The following ADAM32 variants were observed in gnomAD, a reference collection of about 807,000 sequenced individuals.
ADAM32 encodes ADAM metallopeptidase domain 32.
In ADAM32, 89 loss-of-function variants were observed where a neutral mutation model predicts 114.9. That is an observed-to-expected ratio of 0.77 (90% CI 0.65 to 0.92). The LOEUF (loss-of-function observed/expected upper bound fraction) is 0.92, where lower values mean the gene tolerates loss of function less well. Among genes scored for constraint, ADAM32 ranks in the 40% least tolerant of loss-of-function variants. ADAM32 has a pLI of 0.00. For missense variants in ADAM32, 870 were observed against 932.8 expected (o/e 0.93, Z 0.88); for synonymous variants, 285 against 307.5 (o/e 0.93, Z 0.77).
chr8:39,283,469 T>C, intron 23 of ADAM32, 117 bp from the exon 24 acceptor site: 3 of 795,510 alleles, frequency 3.8e-6, no homozygotes, highest in Non-Finnish European at 5.5e-6. Flanking sequence ...CAAATATTTC[T>C]TTTTTAGTAC....
At chr8:39,111,570 T>TA (rs951832014) in intron 1 of ADAM32, among the ~76,000 whole-genome samples, 29 of 151,170 alleles carry the variant, frequency 1.9e-4, no homozygotes, top group East Asian at 1.2e-3. Context: ...CCATCTCTAC[T>TA]AAAAAAAATA....
At chr8:39,282,894 G>T (rs900038021) in intron 23 of ADAM32, among the ~76,000 whole-genome samples, 5 of 152,130 alleles carry the variant, frequency 3.3e-5, no homozygotes, top group African/African-American at 1.2e-4. Flanking sequence ...GGTCAGAGTA[G>T]TAGGAAAAAT....
At chr8:39,223,567 T>C (rs1158662676) in intron 14 of ADAM32, 1 of 156,482 alleles carries the variant, frequency 6.4e-6, no homozygotes, top group African/African-American at 2.4e-5. Context: ...TTGATATATG[T>C]ATACATTGTG....
intron 10 of ADAM32, among the ~76,000 whole-genome samples, chr8:39,171,472 A>C (rs73606713): frequency 0.26 from 39,569 of 151,784 alleles, 5,393 homozygotes; most frequent in Non-Finnish European, 0.29. Context: ...AGCTCTCTCT[A>C]TATATATTTT....
At chr8:39,208,567 A>G (rs1040819929) in intron 11 of ADAM32, among the ~76,000 whole-genome samples, 2 of 151,960 alleles carry the variant, frequency 1.3e-5, no homozygotes, top group Non-Finnish European at 2.9e-5. Flanking sequence ...TTCTTTTAGC[A>G]TTTCTTATGG....
chr8:39,206,775 G>A (rs1440876679), intron 11 of ADAM32, among the ~76,000 whole-genome samples: 1 of 152,150 alleles, frequency 6.6e-6, no homozygotes, highest in Non-Finnish European at 1.5e-5. Flanking sequence ...GGGTGGATGT[G>A]GGGGTATGTC....
intron 6 of ADAM32, among the ~76,000 whole-genome samples, chr8:39,154,358 AG>A (rs1804017068): frequency 6.6e-6 from 1 of 152,142 alleles, no homozygotes; most frequent in Non-Finnish European, 1.5e-5. Context: ...GTCCCTGCAA[AG>A]GACATGAACT....
chr8:39,246,889 T>C (rs915571762), intron 17 of ADAM32, among the ~76,000 whole-genome samples: 1 of 152,198 alleles, frequency 6.6e-6, no homozygotes, highest in African/African-American at 2.4e-5. Flanking sequence ...TGGCAACCAC[T>C]TATCTTATTA....
At chr8:39,197,131 G>A (rs1467323109) in intron 11 of ADAM32, among the ~76,000 whole-genome samples, 1 of 152,028 alleles carries the variant, frequency 6.6e-6, no homozygotes, top group African/African-American at 2.4e-5. Context: ...TCAGCATAGA[G>A]TTGTTCACAA....
chr8:39,270,867 TC>T lies in ADAM32; in HGVS notation c.2163-8del, dbSNP rs753644081. 96 of 1,601,666 alleles carry T rather than the reference TC, an allele frequency of 6.0e-5. No individual in the cohort carries two copies. In the East Asian group the frequency reaches 1.1e-3, roughly 19 times the overall value. On this transcript the variant is annotated splice_polypyrimidine_tract_variant and splice_region_variant and intron_variant, in intron 19 of 24. Transcript: ENST00000379907. Reference sequence around the variant, plus strand: ...GTACTAACATGAGACATTTTCAATTTCTTTTTAGATCTAAATCGGAAGGTAG... The same window carrying T: ...GTACTAACATGAGACATTTTCAATTTTTTTTAGATCTAAATCGGAAGGTAG...
In ADAM32 at chr8:39,281,146, G is replaced by T; in HGVS notation, c.2290G>T (p.Glu764Ter). The T allele has an allele frequency of 7.4e-7, 1 of 1,345,484 alleles. No homozygotes were observed. The highest frequency in any genetic ancestry group is 9.7e-7 in the Non-Finnish European group (1 of 1,025,812). 83.3% of individuals were successfully genotyped at this position (1,345,484 alleles called of 1,614,324 possible). The change falls in exon 23 of 25, where the codon GAA becomes TAA. Residue 764 changes from glutamate (E) to a stop codon, truncating the protein, a stop_gained. Transcript: ENST00000379907. LOFTEE classifies it high-confidence loss of function. ...SQADTSKSKS[E>*]DSAEAYTSRS... The stretch of plus-strand genomic sequence containing the variant: ...TTAATTTATTTTTAGATCCAAATCA[G>T]AAGATAGTGCTGAAGCATATACTAG...
chr8:39,259,685 T>C (rs1302452480), intron 19 of ADAM32, among the ~76,000 whole-genome samples: 1 of 152,218 alleles, frequency 6.6e-6, no homozygotes, highest in Non-Finnish European at 1.5e-5. Context: ...TCTTTATGTT[T>C]AGTCAGTGAA....
At chr8:39,194,459 A>G (rs952695959) in intron 11 of ADAM32, among the ~76,000 whole-genome samples, 5 of 152,116 alleles carry the variant, frequency 3.3e-5, no homozygotes, top group Non-Finnish European at 5.9e-5. Flanking sequence ...GCACACACAG[A>G]CACACACACC....
intron 10 of ADAM32, among the ~76,000 whole-genome samples, chr8:39,176,232 G>A (rs572655021): frequency 2.0e-5 from 3 of 151,988 alleles, no homozygotes; most frequent in African/African-American, 7.2e-5. Context: ...TGCTAGCTTT[G>A]GGGTTCGGTT....
intron 18 of ADAM32, among the ~76,000 whole-genome samples, chr8:39,255,883 C>T (rs886517610): frequency 3.3e-4 from 50 of 151,714 alleles, no homozygotes; most frequent in African/African-American, 1.2e-3. Context: ...TCTTTGATCC[C>T]TCTTGAGTTG....
chr8:39,163,719 G>A (rs1396695075), intron 7 of ADAM32, among the ~76,000 whole-genome samples: 3 of 152,214 alleles, frequency 2.0e-5, no homozygotes, highest in Non-Finnish European at 4.4e-5. Flanking sequence ...GGAGCATGTA[G>A]TGTAATAAAT....
chr8:39,175,724 A>C (rs924817925), intron 10 of ADAM32, among the ~76,000 whole-genome samples: 2 of 152,080 alleles, frequency 1.3e-5, no homozygotes, highest in Non-Finnish European at 2.9e-5. Flanking sequence ...CTTCTTTTCA[A>C]TTGTTTGGAA....
intron 1 of ADAM32, among the ~76,000 whole-genome samples, chr8:39,110,432 C>T (rs1840111461): frequency 6.7e-6 from 1 of 148,540 alleles, no homozygotes; most frequent in Non-Finnish European, 1.5e-5. Context: ...GTTTATTTAT[C>T]CATTTACCTA....
At chr8:39,254,570 C>T in intron 18 of ADAM32, 54 bp downstream of exon 18, 1 of 1,366,864 alleles carries the variant, frequency 7.3e-7, no homozygotes. Context: ...AATTGCTTAT[C>T]TTCACTAAAA....
Sources: allele counts gnomAD v4.1 joint callset (sites outside exome capture counted in the v4.1 genomes callset), GRCh38; gene constraint gnomAD v4.1.1; transcripts MANE v1.5; gene names NCBI Gene and HGNC (gene_info 2026-07-23, HGNC 2026-07-21).